NDST4: variants seen among roughly 807,000 people sequenced by gnomAD.
The protein encoded by NDST4 is N-heparan sulfate sulfotransferase 4.
NDST4 carries 63 observed loss-of-function variants against 100.8 expected under a neutral mutation model. The observed-to-expected ratio is 0.62, with a 90% CI of 0.51 to 0.77. The LOEUF (loss-of-function observed/expected upper bound fraction) is 0.77. NDST4 is among the 30% of genes least tolerant of loss of function. NDST4 has a pLI of 0.00. For synonymous variants in NDST4, 377 were observed against 361.8 expected (o/e 1.04, Z -0.48); for missense variants, 943 against 1,018.4 (o/e 0.93, Z 1.01).
intron 6 of NDST4, among the ~76,000 whole-genome samples, chr4:114,883,443 G>T (rs1724413575): frequency 1.3e-5 from 2 of 152,036 alleles, no homozygotes; most frequent in African/African-American, 4.8e-5. Context: ...CACTAAAAAA[G>T]TTAAAAGAAT....
chr4:114,839,307 A>G (rs1299044874), intron 11 of NDST4, 71 bp downstream of exon 11: 150 of 1,400,466 alleles, frequency 1.1e-4, no homozygotes, highest in Non-Finnish European at 1.4e-4. Flanking sequence ...ATTTCAGGAC[A>G]TTATAATAAA....
chr4:115,037,921 A>G (rs1728267647), intron 2 of NDST4, among the ~76,000 whole-genome samples: 1 of 152,180 alleles, frequency 6.6e-6, no homozygotes, highest in South Asian at 2.1e-4. Context: ...TGGCAAAATA[A>G]CAAACTTTAA....
At chr4:115,099,875 C>T (rs907886785) in intron 1 of NDST4, among the ~76,000 whole-genome samples, 1 of 152,048 alleles carries the variant, frequency 6.6e-6, no homozygotes, top group African/African-American at 2.4e-5. Flanking sequence ...TTTATTGCAG[C>T]TTTATTTATA....
chr4:114,896,619 T>A (rs1332556458), intron 6 of NDST4, among the ~76,000 whole-genome samples: 1 of 123,420 alleles, frequency 8.1e-6, no homozygotes, highest in Non-Finnish European at 1.6e-5. Context: ...TGAGACTCCG[T>A]CTCAAAAAAA....
chr4:115,103,007 C>T (rs1729764642), intron 1 of NDST4, among the ~76,000 whole-genome samples: 1 of 151,920 alleles, frequency 6.6e-6, no homozygotes, highest in Non-Finnish European at 1.5e-5. Flanking sequence ...TGCTCCCAGC[C>T]CCACTGACTT....
intron 1 of NDST4, among the ~76,000 whole-genome samples, chr4:115,103,946 T>C (rs1372718325): frequency 6.6e-6 from 1 of 152,192 alleles, no homozygotes; most frequent in Non-Finnish European, 1.5e-5. Context: ...CCTATTTTAA[T>C]ACTTGATGAC....
At chr4:114,970,248 C>T (rs987297294) in intron 4 of NDST4, among the ~76,000 whole-genome samples, 182 bp downstream of exon 4, 3 of 152,088 alleles carry the variant, frequency 2.0e-5, no homozygotes, top group Admixed American at 1.3e-4. Flanking sequence ...TGGTCCTTTA[C>T]ATATACACAC....
chr4:114,918,077 A>G (rs967717308), intron 6 of NDST4, among the ~76,000 whole-genome samples: 1 of 152,170 alleles, frequency 6.6e-6, no homozygotes, highest in Non-Finnish European at 1.5e-5. Flanking sequence ...GTTTCTTAGA[A>G]AATGATTACA....
rs556806820 is a variant in NDST4, at chr4:115,046,764, T to A, written c.978+29295A>T. ...TTATTCAGGAATTTGAAGAATGTGG[T>A]GATGGAGGAATCACAATTGTTTATT... On this transcript the variant is annotated intron_variant, in intron 2 of 13. Coordinates refer to ENST00000264363, the MANE Select transcript of NDST4 (RefSeq NM_022569.3). Among the ~76,000 whole-genome samples, 3 of 152,232 alleles carry A rather than the reference T, an allele frequency of 2.0e-5. No individual in the cohort carries two copies. In the South Asian group the frequency reaches 6.2e-4, roughly 32 times the overall value.
At chr4:114,880,604 C>T (rs1724346870) in intron 6 of NDST4, among the ~76,000 whole-genome samples, 1 of 152,100 alleles carries the variant, frequency 6.6e-6, no homozygotes, top group African/African-American at 2.4e-5. Flanking sequence ...TTTAGTTATT[C>T]AAGCAATCAA....
chr4:114,850,732 G>T (rs1350378349), intron 8 of NDST4, among the ~76,000 whole-genome samples: 42 of 152,160 alleles, frequency 2.8e-4, no homozygotes. Flanking sequence ...TGTGAACACT[G>T]ATCTTCTGAA....
At chr4:114,913,875 T>C (rs926893339) in intron 6 of NDST4, among the ~76,000 whole-genome samples, 5 of 152,040 alleles carry the variant, frequency 3.3e-5, no homozygotes, top group Non-Finnish European at 5.9e-5. Flanking sequence ...AGGATACTTG[T>C]TCAAAATTAT....
chr4:114,930,505 A>G (rs775485234), intron 6 of NDST4, among the ~76,000 whole-genome samples: 3 of 152,174 alleles, frequency 2.0e-5, no homozygotes, highest in Non-Finnish European at 4.4e-5. Context: ...TTTTCATACA[A>G]TGTGAGTTTT....
At chr4:115,067,772 C>A (rs1223907750) in intron 2 of NDST4, among the ~76,000 whole-genome samples, 1 of 150,270 alleles carries the variant, frequency 6.7e-6, no homozygotes, top group Admixed American at 6.7e-5. Flanking sequence ...ACTTTAAGTT[C>A]TAGGGTACAT....
In NDST4 at chr4:114,970,498, G is replaced by A; in HGVS notation, c.1153C>T (p.Gln385Ter). ...WWFPHMWSHM[Q>*]PHLFHNESSL... is the part of the protein sequence containing the mutation. ...GACTCGTTGTGGAAGAGGTGGGGCT[G>A]CATGTGGCTCCACATGTGAGGAAAC... is the stretch of plus-strand genomic sequence containing the variant. Residue 385 changes from glutamine (Q) to a stop codon, truncating the protein, a stop_gained, in exon 4 of 14, where the codon CAG becomes TAG. Transcript: ENST00000264363. LOFTEE classifies it high-confidence loss of function. 2 of 1,613,870 alleles carry A rather than the reference G, an allele frequency of 1.2e-6. No homozygotes were observed. The highest frequency in any genetic ancestry group is 1.7e-6 in the Non-Finnish European group (2 of 1,179,786).
chr4:115,085,976 T>A (rs1274859958), intron 1 of NDST4, among the ~76,000 whole-genome samples: 6 of 152,198 alleles, frequency 3.9e-5, no homozygotes, highest in African/African-American at 1.4e-4. Flanking sequence ...TGTGTGTGTA[T>A]TTGGATACCA....
At chr4:114,839,257 C>T (rs909784778) in intron 11 of NDST4, 121 bp downstream of exon 11, 4 of 822,200 alleles carry the variant, frequency 4.9e-6, no homozygotes, top group African/African-American at 3.4e-5. Context: ...CCATTTTCTG[C>T]TTGTCAGTGC....
chr4:115,024,895 A>G (rs1230278884), intron 2 of NDST4, among the ~76,000 whole-genome samples: 2 of 152,192 alleles, frequency 1.3e-5, no homozygotes, highest in Non-Finnish European at 2.9e-5. Context: ...TCTCTCATGA[A>G]TGGATTAATG....
At chr4:114,999,835 T>C (rs1427345470) in intron 2 of NDST4, among the ~76,000 whole-genome samples, 1 of 151,990 alleles carries the variant, frequency 6.6e-6, no homozygotes, top group Non-Finnish European at 1.5e-5. Context: ...TACCTCAGAA[T>C]CCTGATGAGG....
Sources: gnomAD v4.1 joint callset for allele counts (sites outside exome capture counted in the v4.1 genomes callset) on GRCh38, gnomAD v4.1.1 for gene constraint, MANE v1.5 for transcripts, NCBI Gene and HGNC (gene_info 2026-07-23, HGNC 2026-07-21) for gene names.